Variants in ABI3BP observed in about 807,000 individuals in gnomAD.
ABI3BP encodes the protein ABI family member 3 binding protein.
A neutral mutation model predicts 268.6 loss-of-function variants in ABI3BP; 216 were observed. The observed-to-expected ratio is 0.80, with a 90% CI of 0.72 to 0.90. The LOEUF (loss-of-function observed/expected upper bound fraction) is 0.90. Ranked by LOEUF, ABI3BP falls within the 40% of genes least tolerant of loss-of-function variation. The pLI is 0.00. For missense variants in ABI3BP, 2,090 were observed against 2,182.4 expected (o/e 0.96, Z 0.84); for synonymous variants, 730 against 730.0 (o/e 1.00, Z 0.00).
At chr3:100,800,025 CTAGCAA>C (rs1458076766) in intron 51 of ABI3BP, among the ~76,000 whole-genome samples, 6 of 152,156 alleles carry the variant, frequency 3.9e-5, no homozygotes. Flanking sequence ...GTTGGCCAGT[CTAGCAA>C]TAGCATTGTC....
At chr3:100,764,291 G>A (rs779729054) in intron 63 of ABI3BP, among the ~76,000 whole-genome samples, 10 of 152,180 alleles carry the variant, frequency 6.6e-5, no homozygotes, top group Non-Finnish European at 1.0e-4. Context: ...AGCACCTTGG[G>A]CATGCTTCAT....
At chr3:100,825,729 G>A in intron 35 of ABI3BP, 56 bp downstream of exon 35, 3 of 1,365,094 alleles carry the variant, frequency 2.2e-6, no homozygotes, top group South Asian at 1.2e-5. Flanking sequence ...TGAATGGACT[G>A]TACAACAAGC....
In ABI3BP at chr3:100,775,354, G is replaced by C. The variant is rs748716073; in HGVS notation, c.4334-19C>G. ...ATGATTCCTGTAAAGTAGAGCCAAA[G>C]TAGTCAGGCTTTATAGGAACACTGC... On this transcript the variant is annotated intron_variant, in intron 59 of 67. Transcript: ENST00000471714. The C allele has an allele frequency of 1.3e-6, 2 of 1,590,714 alleles. No individual in the cohort carries two copies. Among genetic ancestry groups the C allele is most frequent in the African/African-American group, 2.7e-5 (2 of 74,462 alleles).
At chr3:100,894,952 A>AAAAAAAAAAAAAAAAAAAAAAC (rs1561384128) in intron 4 of ABI3BP, among the ~76,000 whole-genome samples, 2 of 111,622 alleles carry the variant, frequency 1.8e-5, no homozygotes, top group Non-Finnish European at 4.5e-5. Flanking sequence ...AAAAAAAAAA[A>AAAAAAAAAAAAAAAAAAAAAAC]AAAAAAAAAA....
intron 67 of ABI3BP, 68 bp from the exon 68 acceptor site, chr3:100,750,678 T>G: frequency 1.8e-6 from 2 of 1,132,690 alleles, no homozygotes; most frequent in Admixed American, 3.9e-5. Context: ...GCTCATAGAT[T>G]GAAGGATGTC....
chr3:100,750,336 T>G lies in ABI3BP; in HGVS notation c.*159A>C. On this transcript the variant is annotated 3_prime_UTR_variant, in exon 68 of 68. Coordinates refer to ENST00000471714, the MANE Select transcript of ABI3BP (RefSeq NM_001375547.2). ...TGACTTTGTAAAACCTGATAAATAC[T>G]CTCAGCAATCTTTTCTAATAATAAA... is the stretch of plus-strand genomic sequence containing the variant. 1.9e-6 allele frequency: 1 copy of G among 528,180 alleles called. No homozygotes were observed. Among genetic ancestry groups the G allele is most frequent in the African/African-American group, 2.0e-5 (1 of 50,818 alleles). The allele number at this position is 528,180 out of a possible 1,614,324, so 32.7% of individuals were successfully genotyped here. A position where few individuals can be genotyped will look rare whatever the true frequency, so the allele number is the denominator to read the frequency against.
At chr3:100,839,664 C>T (rs113833109) in intron 23 of ABI3BP, 48 bp from the exon 24 acceptor site, 67,479 of 1,522,706 alleles carry the variant, frequency 0.044, 1,775 homozygotes, top group Non-Finnish European at 0.051. Flanking sequence ...GAAGTGGCAT[C>T]GTGAGGAGGG....
intron 1 of ABI3BP, among the ~76,000 whole-genome samples, chr3:100,937,991 T>C (rs1417078031): frequency 6.6e-6 from 1 of 152,072 alleles, no homozygotes; most frequent in Non-Finnish European, 1.5e-5. Context: ...GTAAGTCCTT[T>C]GTGGGAACAT....
In ABI3BP at chr3:100,808,232, G is replaced by A. The variant is rs376436734; in HGVS notation, c.3611C>T (p.Pro1204Leu). Residue 1204 changes from proline (P) to leucine (L), a missense_variant, in exon 50 of 68, where the codon CCC (proline) becomes CTC (leucine). Transcript: ENST00000471714. ...AGGAGGAGCACGTGGTGTCTGCTTG[G>A]GAGCTAAAAGAAAGGATATAGGTTC... ...SPDEPQTEPA[P>L]KQTPRAPPKP... The A allele has an allele frequency of 1.7e-5, 28 of 1,607,754 alleles. No individual in the cohort carries two copies. The highest frequency in any genetic ancestry group is 2.2e-5 in the Non-Finnish European group (26 of 1,177,018).
At chr3:100,787,883 G>GAA in intron 56 of ABI3BP, 81 bp from the exon 57 acceptor site, 1 of 1,048,154 alleles carries the variant, frequency 9.5e-7, no homozygotes, top group Non-Finnish European at 1.3e-6. Context: ...TCAGAGAATT[G>GAA]AAAGTCATTT....
chr3:100,844,013 C>T (rs770956926), intron 20 of ABI3BP: 178 of 982,434 alleles, frequency 1.8e-4, no homozygotes, highest in Non-Finnish European at 2.0e-4. Context: ...AAGTCAATTG[C>T]ACATAAAAAC....
At chr3:100,984,280 G>A (rs1449311) in intron 1 of ABI3BP, among the ~76,000 whole-genome samples, 44,523 of 151,984 alleles carry the variant, frequency 0.29, 7,076 homozygotes, top group East Asian at 0.49. Context: ...AGCCTGTATT[G>A]GGATATACAT....
At chr3:100,874,338 C>T (rs2099139594) in intron 9 of ABI3BP, among the ~76,000 whole-genome samples, 1 of 152,176 alleles carries the variant, frequency 6.6e-6, no homozygotes, top group African/African-American at 2.4e-5. Flanking sequence ...GTGACCTCCA[C>T]ATTTATTCCC....
intron 6 of ABI3BP, among the ~76,000 whole-genome samples, chr3:100,879,244 T>C (rs2099200280): frequency 6.6e-6 from 1 of 152,206 alleles, no homozygotes; most frequent in African/African-American, 2.4e-5. Context: ...GACTTTTAAG[T>C]GCTTGGCATG....
At chr3:100,928,025 ATCTT>A (rs1484066186) in intron 1 of ABI3BP, among the ~76,000 whole-genome samples, 1 of 151,448 alleles carries the variant, frequency 6.6e-6, no homozygotes, top group Non-Finnish European at 1.5e-5. Context: ...AGGCCATTCA[ATCTT>A]TCTTTAATCC....
At chr3:100,864,132 G>T (rs1478520732) in intron 11 of ABI3BP, 56 bp from the exon 12 acceptor site, 11 of 1,158,770 alleles carry the variant, frequency 9.5e-6, no homozygotes, top group Non-Finnish European at 1.4e-5. Context: ...TGATGTTGTG[G>T]CTTAACCATG....
chr3:100,963,612 T>C (rs1447562543), intron 1 of ABI3BP, among the ~76,000 whole-genome samples: 1 of 152,218 alleles, frequency 6.6e-6, no homozygotes, highest in Non-Finnish European at 1.5e-5. Flanking sequence ...AGATGGCGAC[T>C]AATAATTTCG....
At position 100,870,343 on chromosome 3, in the gene ABI3BP, C is replaced by T. The variant is rs547253933; in HGVS notation, c.911-3387G>A. ...ATAGCGAAACAAAATAACACAACCACCCTCAACCCCAAATAACCTAATTAA... is the reference window on the plus strand; with the variant it reads ...ATAGCGAAACAAAATAACACAACCATCCTCAACCCCAAATAACCTAATTAA... On this transcript the variant is annotated intron_variant, in intron 9 of 67. Transcript: ENST00000471714. 2.6e-5 allele frequency among the ~76,000 whole-genome samples: 4 copies of T among 152,148 alleles called. No individual in the cohort carries two copies. In the South Asian group the frequency reaches 8.3e-4, roughly 32 times the overall value.
At chr3:100,876,305 T>C (rs1208299051) in intron 7 of ABI3BP, among the ~76,000 whole-genome samples, 2 of 152,178 alleles carry the variant, frequency 1.3e-5, no homozygotes, top group Admixed American at 6.5e-5. Flanking sequence ...GTCTGACCAG[T>C]GTGACCAGCC....
Sources: gnomAD v4.1 joint callset for allele counts (sites outside exome capture counted in the v4.1 genomes callset) on GRCh38, gnomAD v4.1.1 for gene constraint, MANE v1.5 for transcripts, NCBI Gene and HGNC (gene_info 2026-07-23, HGNC 2026-07-21) for gene names.